Variants in CYRIB observed in about 807,000 individuals in gnomAD.
The protein encoded by CYRIB is CYFIP-related Rac1 interactor B.
A neutral mutation model predicts 44.2 loss-of-function variants in CYRIB; 8 were observed. That is an observed-to-expected ratio of 0.18 (90% confidence interval 0.11 to 0.33). CYRIB has a LOEUF of 0.33. CYRIB is among the 10% of genes least tolerant of loss of function. The probability of loss-of-function intolerance (pLI) is 1.00; values close to 1 mark genes in which losing one functional copy is unlikely to be tolerated. For missense variants in CYRIB, 185 were observed against 382.8 expected (o/e 0.48, Z 4.31); for synonymous variants, 131 against 127.2 (o/e 1.03, Z -0.20).
At chr8:129,985,358 G>A (rs551367599) in intron 1 of CYRIB, among the ~76,000 whole-genome samples, 1 of 152,162 alleles carries the variant, frequency 6.6e-6, no homozygotes, top group South Asian at 2.1e-4. Context: ...ATCCTGGCCC[G>A]GGAAAGCTCC....
chr8:129,972,908 A>G (rs907239767), intron 1 of CYRIB, among the ~76,000 whole-genome samples: 1 of 152,232 alleles, frequency 6.6e-6, no homozygotes, highest in African/African-American at 2.4e-5. Flanking sequence ...ACAGCTCTAG[A>G]AACCAGATCT....
At chr8:130,007,815 C>A (rs895533525) in intron 1 of CYRIB, among the ~76,000 whole-genome samples, 4 of 152,002 alleles carry the variant, frequency 2.6e-5, no homozygotes, top group African/African-American at 9.7e-5. Context: ...AAGTACAGGA[C>A]ACTTGCTCCA....
intron 1 of CYRIB, among the ~76,000 whole-genome samples, chr8:129,982,779 T>G (rs1372028895): frequency 6.6e-6 from 1 of 152,196 alleles, no homozygotes; most frequent in Non-Finnish European, 1.5e-5. Flanking sequence ...CCAGCAGATC[T>G]CTAAAACCCT....
chr8:129,985,426 C>A (rs890582108), intron 1 of CYRIB, among the ~76,000 whole-genome samples: 5 of 152,136 alleles, frequency 3.3e-5, no homozygotes, highest in Non-Finnish European at 7.3e-5. Flanking sequence ...CTCCATGAGC[C>A]GGTGACCCAC....
intron 10 of CYRIB, among the ~76,000 whole-genome samples, chr8:129,847,575 T>G (rs528858391): frequency 6.6e-6 from 1 of 152,066 alleles, no homozygotes; most frequent in Non-Finnish European, 1.5e-5. Context: ...AGAGGACAGA[T>G]AGGAATTTTT....
chr8:129,873,036 AT>A (rs1388214938), intron 3 of CYRIB, among the ~76,000 whole-genome samples: 5 of 151,798 alleles, frequency 3.3e-5, no homozygotes, highest in Non-Finnish European at 7.4e-5. Flanking sequence ...AATATACCAC[AT>A]TTTTTTTAAA....
At chr8:129,871,010 T>C (rs1206526980) in intron 4 of CYRIB, among the ~76,000 whole-genome samples, 3 of 152,054 alleles carry the variant, frequency 2.0e-5, no homozygotes, top group Non-Finnish European at 2.9e-5. Context: ...GAGAGGAAAG[T>C]TGAGGGAGAC....
chr8:129,940,723 C>T (rs2093626697), upstream of CYRIB, among the ~76,000 whole-genome samples: 1 of 152,074 alleles, frequency 6.6e-6, no homozygotes, highest in African/African-American at 2.4e-5. Flanking sequence ...TTATCTCTCC[C>T]AGGGTTGTTT....
intron 2 of CYRIB, among the ~76,000 whole-genome samples, chr8:129,960,406 C>A (rs2095172498): frequency 6.6e-6 from 1 of 151,858 alleles, no homozygotes; most frequent in South Asian, 2.1e-4. Context: ...ACCAGCCTGG[C>A]CAACATGGCG....
intron 4 of CYRIB, among the ~76,000 whole-genome samples, chr8:129,869,750 AACCGCTT>A (rs2056161358): frequency 6.6e-6 from 1 of 152,218 alleles, no homozygotes; most frequent in African/African-American, 2.4e-5. Flanking sequence ...TTCAACAGCT[AACCGCTT>A]ACTAAGTGCT....
At chr8:129,990,248 A>G (rs2096595292) in intron 1 of CYRIB, among the ~76,000 whole-genome samples, 1 of 152,212 alleles carries the variant, frequency 6.6e-6, no homozygotes, top group South Asian at 2.1e-4. Flanking sequence ...TGTTTTATAC[A>G]TACAAACATG....
chr8:129,989,767 T>C (rs1387271397), intron 1 of CYRIB, among the ~76,000 whole-genome samples: 1 of 150,332 alleles, frequency 6.7e-6, no homozygotes, highest in Non-Finnish European at 1.5e-5. Context: ...TTACATTAGG[T>C]ATATCTCCTA....
At chr8:129,961,158 G>T (rs2131732498) in intron 2 of CYRIB, among the ~76,000 whole-genome samples, 1 of 152,224 alleles carries the variant, frequency 6.6e-6, no homozygotes, top group East Asian at 1.9e-4. Flanking sequence ...CCTGAAAAAT[G>T]GAGACAATAA....
chr8:129,872,013 G>C (rs1370523422), intron 3 of CYRIB, among the ~76,000 whole-genome samples: 1 of 151,898 alleles, frequency 6.6e-6, no homozygotes, highest in Non-Finnish European at 1.5e-5. Context: ...TAGTTTTTAG[G>C]TGCTCACCCC....
At chr8:129,881,125 G>A (rs1347003298) in intron 2 of CYRIB, among the ~76,000 whole-genome samples, 2 of 152,188 alleles carry the variant, frequency 1.3e-5, no homozygotes, top group African/African-American at 2.4e-5. Context: ...AACTTAGTAG[G>A]TTTGCGGAGG....
chr8:129,911,957 G>A (rs1388012743), intron 1 of CYRIB, among the ~76,000 whole-genome samples: 3 of 152,242 alleles, frequency 2.0e-5, no homozygotes, highest in Admixed American at 2.0e-4. Flanking sequence ...TGCTGCAATC[G>A]TGCTAACCTA....
chr8:129,879,497 G>A, intron 2 of CYRIB, 26 bp from the exon 5 acceptor site: 5 of 1,462,752 alleles, frequency 3.4e-6, no homozygotes, highest in Non-Finnish European at 4.7e-6. Flanking sequence ...TGAGAAAAGA[G>A]AAAATATCCC....
chr8:129,859,450 A>C lies in CYRIB; in HGVS notation c.301+2779T>G, dbSNP rs187413216. Among the ~76,000 whole-genome samples the C allele has an allele frequency of 5.7e-3, 861 of 152,158 alleles. 13 individuals are homozygous for C. Among genetic ancestry groups the C allele is most frequent in the African/African-American group, 0.02 (812 of 41,510 alleles). On this transcript the variant is annotated intron_variant, in intron 5 of 11. Transcript: ENST00000519824. ...CCCTCCACAGGAGGTGGAGGAGCAG[A>C]GTCTTCTCTAAACTCCCCCGGGGAA...
At chr8:129,926,709 A>T (rs2087984479) in intron 1 of CYRIB, among the ~76,000 whole-genome samples, 1 of 152,220 alleles carries the variant, frequency 6.6e-6, no homozygotes, top group Non-Finnish European at 1.5e-5. Flanking sequence ...ACTGGGACCA[A>T]ATTCTGAAAT....
Sources: gnomAD v4.1 joint callset for allele counts (sites outside exome capture counted in the v4.1 genomes callset) on GRCh38, gnomAD v4.1.1 for gene constraint, MANE v1.5 for transcripts, NCBI Gene and HGNC (gene_info 2026-07-23, HGNC 2026-07-21) for gene names.